GALNT14: variants seen among roughly 807,000 people sequenced by gnomAD.
GALNT14 encodes UDP-GalNAc:polypeptide N-acetylgalactosaminyltransferase 14.
In GALNT14, 60 loss-of-function variants were observed where a neutral mutation model predicts 77.5. That is an observed-to-expected ratio of 0.77 (90% CI 0.63 to 0.96). The LOEUF (loss-of-function observed/expected upper bound fraction) is 0.96. GALNT14 is among the 40% of genes least tolerant of loss of function. GALNT14 has a pLI of 0.00. For synonymous variants in GALNT14, 280 were observed against 281.7 expected, an observed-to-expected ratio of 0.99 and a Z score of 0.06; for missense variants, 710 against 731.0, an observed-to-expected ratio of 0.97 and a Z score of 0.33.
intron 13 of GALNT14, among the ~76,000 whole-genome samples, chr2:30,923,017 G>A (rs1252133386): frequency 1.3e-5 from 2 of 151,884 alleles, no homozygotes; most frequent in East Asian, 1.9e-4. Flanking sequence ...TATGAGAGTG[G>A]GGGTGAGGAG....
At chr2:30,933,395 G>T (rs896767850) in intron 9 of GALNT14, among the ~76,000 whole-genome samples, 5 of 152,160 alleles carry the variant, frequency 3.3e-5, no homozygotes, top group Non-Finnish European at 5.9e-5. Context: ...TTCAGGGGAA[G>T]GGAACAAGGA....
intron 6 of GALNT14, among the ~76,000 whole-genome samples, chr2:30,948,394 C>T (rs570020571): frequency 1.8e-4 from 27 of 152,330 alleles, no homozygotes; most frequent in African/African-American, 6.3e-4. Flanking sequence ...TGGGCTACAC[C>T]AGATAATCTA....
rs2148317757 is a variant in GALNT14 at position 30,955,631 on chromosome 2, T to C, written c.641A>G (p.His214Arg). ...VNRDWLQPLL[H>R]RVKEDYTRVV... ...AGCCTCACTCACCTCTTTGACCCTG[T>C]GCAACAGAGGCTGGAGCCAGTCCCT... Residue 214 changes from histidine to arginine, a missense_variant, in exon 6 of 15, where the codon CAC becomes CGC. His to Arg is a conservative substitution (Grantham distance 29). Transcript: ENST00000349752. 1 of 1,614,144 alleles carries C rather than the reference T, an allele frequency of 6.2e-7. No individual in the cohort carries two copies. The highest frequency in any genetic ancestry group is 1.3e-5 in the African/African-American group (1 of 75,062).
intron 1 of GALNT14, among the ~76,000 whole-genome samples, chr2:31,052,463 C>T (rs535927664): frequency 6.6e-6 from 1 of 152,324 alleles, no homozygotes; most frequent in East Asian, 1.9e-4. Context: ...ACCACCCGCA[C>T]TCAGGACACT....
chr2:30,945,338 C>T (rs1311443406), intron 7 of GALNT14, among the ~76,000 whole-genome samples: 1 of 152,160 alleles, frequency 6.6e-6, no homozygotes, highest in South Asian at 2.1e-4. Flanking sequence ...ACCTAAAAGT[C>T]ATTCTTGAAG....
chr2:31,106,094 G>A (rs1218548035), intron 1 of GALNT14, among the ~76,000 whole-genome samples: 2 of 152,176 alleles, frequency 1.3e-5, no homozygotes, highest in African/African-American at 4.8e-5. Context: ...GGAGGCAAGG[G>A]GAGGGGAGGG....
In GALNT14 at chr2:30,910,794, G is replaced by T. The variant is rs1664308365; in HGVS notation, c.*107C>A. On this transcript the variant is annotated 3_prime_UTR_variant, in exon 15 of 15. Coordinates refer to ENST00000349752, the MANE Select transcript of GALNT14 (RefSeq NM_024572.4). ...TGGGGGGCTCTGCCTCCACCTCCCA[G>T]TCCAGGATGTCTGAGGTGGTTGCAG... 7.9e-7 allele frequency: 1 copy of T among 1,262,652 alleles called. No individual in the cohort carries two copies. The highest frequency in any genetic ancestry group is 1.1e-6 in the Non-Finnish European group (1 of 907,624). 78.2% of individuals were successfully genotyped at this position (1,262,652 alleles called of 1,614,324 possible).
At chr2:30,966,997 C>T (rs987954773) in intron 2 of GALNT14, among the ~76,000 whole-genome samples, 1 of 152,128 alleles carries the variant, frequency 6.6e-6, no homozygotes, top group Admixed American at 6.5e-5. Flanking sequence ...AAAATAAACC[C>T]GCCAAGTGAG....
intron 1 of GALNT14, among the ~76,000 whole-genome samples, chr2:31,060,681 G>C (rs1674535945): frequency 6.6e-6 from 1 of 152,184 alleles, no homozygotes; most frequent in African/African-American, 2.4e-5. Context: ...GGTGCAGCTG[G>C]GGTGATGTGT....
intron 1 of GALNT14, among the ~76,000 whole-genome samples, chr2:31,013,323 C>A (rs1352076412): frequency 6.6e-6 from 1 of 152,150 alleles, no homozygotes; most frequent in Non-Finnish European, 1.5e-5. Flanking sequence ...CAAAATTGCA[C>A]ACCACATTCC....
chr2:30,986,615 T>C (rs962589666), intron 2 of GALNT14, among the ~76,000 whole-genome samples: 2 of 152,218 alleles, frequency 1.3e-5, no homozygotes, highest in African/African-American at 2.4e-5. Context: ...TGTGGTTTTT[T>C]CCACTAAAGG....
At chr2:31,021,354 G>C (rs758231118) in intron 1 of GALNT14, among the ~76,000 whole-genome samples, 1 of 151,692 alleles carries the variant, frequency 6.6e-6, no homozygotes, top group Non-Finnish European at 1.5e-5. Flanking sequence ...ACCCAGGCTG[G>C]AGTGCAGTGG....
chr2:31,092,480 G>A (rs2148600757), intron 1 of GALNT14, among the ~76,000 whole-genome samples: 1 of 151,616 alleles, frequency 6.6e-6, no homozygotes, highest in East Asian at 1.9e-4. Flanking sequence ...ACAGCAGAGG[G>A]ATATAGACAA....
intron 2 of GALNT14, among the ~76,000 whole-genome samples, chr2:30,971,241 G>A (rs1668335608): frequency 1.3e-5 from 2 of 152,162 alleles, no homozygotes; most frequent in Non-Finnish European, 2.9e-5. Context: ...GGGGCACGAG[G>A]GAATGGAAAA....
intron 6 of GALNT14, 28 bp downstream of exon 6, chr2:30,955,590 C>A (rs368936056): frequency 1.4e-5 from 23 of 1,609,128 alleles, no homozygotes; most frequent in Non-Finnish European, 1.9e-5. Context: ...GGGCACGAGG[C>A]CCGGCCCTGC....
intron 1 of GALNT14, among the ~76,000 whole-genome samples, chr2:31,013,128 G>A (rs1671141120): frequency 6.6e-6 from 1 of 152,208 alleles, no homozygotes; most frequent in African/African-American, 2.4e-5. Flanking sequence ...CTGGGACTCA[G>A]AGGAGAAAGA....
chr2:30,959,905 A>AG (rs1377290006), intron 3 of GALNT14, among the ~76,000 whole-genome samples: 1 of 152,120 alleles, frequency 6.6e-6, no homozygotes. Flanking sequence ...GATGTTGGAG[A>AG]GGGGGTTCAG....
At chr2:31,067,521 G>A (rs554426607) in intron 1 of GALNT14, among the ~76,000 whole-genome samples, 29 of 152,218 alleles carry the variant, frequency 1.9e-4, no homozygotes, top group African/African-American at 6.5e-4. Flanking sequence ...CAGGAAAGCA[G>A]GGTCTGCTCA....
chr2:31,124,659 T>C (rs1427922611), intron 1 of GALNT14, among the ~76,000 whole-genome samples: 1 of 152,202 alleles, frequency 6.6e-6, no homozygotes. Flanking sequence ...CTCCCTCTAT[T>C]GCCCAGGATG....
Sources: allele counts gnomAD v4.1 joint callset (sites outside exome capture counted in the v4.1 genomes callset), GRCh38; gene constraint gnomAD v4.1.1; transcripts MANE v1.5; gene names NCBI Gene and HGNC (gene_info 2026-07-23, HGNC 2026-07-21).